The following DGKB variants were observed in gnomAD, a reference collection of about 807,000 sequenced individuals.
DGKB encodes the protein diacylglycerol kinase beta.
A neutral mutation model predicts 114.3 loss-of-function variants in DGKB; 67 were observed. That is an observed-to-expected ratio of 0.59 (90% CI 0.48 to 0.72). The LOEUF (loss-of-function observed/expected upper bound fraction) is 0.72, where lower values mean the gene tolerates loss of function less well. Ranked by LOEUF, DGKB falls within the 30% of genes least tolerant of loss-of-function variation. DGKB has a pLI of 0.00. For synonymous variants in DGKB, 398 were observed against 323.1 expected, an observed-to-expected ratio of 1.23 and a Z score of -2.49; for missense variants, 907 against 975.2, an observed-to-expected ratio of 0.93 and a Z score of 0.93.
At chr7:14,440,731 C>T (rs1346670940) in intron 21 of DGKB, among the ~76,000 whole-genome samples, 2 of 152,164 alleles carry the variant, frequency 1.3e-5, no homozygotes, top group Non-Finnish European at 2.9e-5. Context: ...TATCCTTATA[C>T]ATACCTACGA....
chr7:14,818,287 C>T (rs968029966), intron 2 of DGKB, among the ~76,000 whole-genome samples: 2 of 152,120 alleles, frequency 1.3e-5, no homozygotes, highest in African/African-American at 4.8e-5. Context: ...AATAAAATGG[C>T]TAAGTCAAGG....
At chr7:14,576,956 C>CT (rs1221557083) in intron 19 of DGKB, among the ~76,000 whole-genome samples, 1 of 152,166 alleles carries the variant, frequency 6.6e-6, no homozygotes. Context: ...AAACTCTGAA[C>CT]TGTAGTCCCC....
chr7:14,243,702 A>G (rs1359525303), intron 23 of DGKB, among the ~76,000 whole-genome samples: 1 of 152,158 alleles, frequency 6.6e-6, no homozygotes, highest in Non-Finnish European at 1.5e-5. Context: ...TCTCCTCTTA[A>G]TATTACCTCT....
chr7:14,612,305 G>C (rs1221435220), intron 16 of DGKB, among the ~76,000 whole-genome samples: 1 of 151,952 alleles, frequency 6.6e-6, no homozygotes, highest in Non-Finnish European at 1.5e-5. Flanking sequence ...AAGTAGCTGG[G>C]ATTACAGGTG....
intron 23 of DGKB, among the ~76,000 whole-genome samples, chr7:14,296,492 C>A (rs928872670): frequency 6.6e-6 from 1 of 152,028 alleles, no homozygotes; most frequent in South Asian, 2.1e-4. Flanking sequence ...TATAGTAGAA[C>A]GATTTATAAT....
chr7:14,222,220 T>C (rs1338884073), intron 23 of DGKB, among the ~76,000 whole-genome samples: 1 of 150,968 alleles, frequency 6.6e-6, no homozygotes, highest in Non-Finnish European at 1.5e-5. Flanking sequence ...TCTTTTTTTG[T>C]TTTGCAGTGT....
intron 20 of DGKB, among the ~76,000 whole-genome samples, chr7:14,522,593 A>G (rs1318859070): frequency 6.6e-6 from 1 of 152,176 alleles, no homozygotes; most frequent in Non-Finnish European, 1.5e-5. Flanking sequence ...TTGAACTACC[A>G]TATTGACACA....
chr7:14,346,970 C>A (rs990205571), intron 21 of DGKB, among the ~76,000 whole-genome samples: 2 of 151,976 alleles, frequency 1.3e-5, no homozygotes, highest in Non-Finnish European at 2.9e-5. Context: ...TTTCTCCAGA[C>A]CTTCCAGGAT....
chr7:14,484,697 A>T (rs770485406), intron 20 of DGKB, among the ~76,000 whole-genome samples: 4 of 152,174 alleles, frequency 2.6e-5, no homozygotes, highest in Non-Finnish European at 5.9e-5. Flanking sequence ...TCTTTACAGC[A>T]AGCAAGAATG....
intron 13 of DGKB, among the ~76,000 whole-genome samples, chr7:14,664,918 G>A (rs999192411): frequency 1.3e-5 from 2 of 151,868 alleles, no homozygotes; most frequent in African/African-American, 4.8e-5. Flanking sequence ...AGGAAAGAAG[G>A]CAGGAAGAAA....
intron 17 of DGKB, among the ~76,000 whole-genome samples, chr7:14,598,090 A>G (rs1027046566): frequency 4.6e-5 from 7 of 152,196 alleles, no homozygotes; most frequent in Admixed American, 4.6e-4. Flanking sequence ...TACTGATTTT[A>G]TGATAGCATT....
At chr7:14,312,259 A>G (rs1585066132) in intron 23 of DGKB, among the ~76,000 whole-genome samples, 7 of 152,232 alleles carry the variant, frequency 4.6e-5, no homozygotes, top group Non-Finnish European at 2.9e-5. Flanking sequence ...CTGGTCCATT[A>G]TATCAGCAGT....
intron 23 of DGKB, among the ~76,000 whole-genome samples, chr7:14,309,211 GT>G (rs1804969774): frequency 6.6e-6 from 1 of 151,980 alleles, no homozygotes; most frequent in Non-Finnish European, 1.5e-5. Context: ...GTGAGACCCT[GT>G]CTCAAAAGAA....
At chr7:14,299,678 G>A (rs1803171230) in intron 23 of DGKB, among the ~76,000 whole-genome samples, 1 of 152,016 alleles carries the variant, frequency 6.6e-6, no homozygotes, top group African/African-American at 2.4e-5. Flanking sequence ...TGAATGAAAA[G>A]GAAAGGGTAT....
chr7:14,308,099 T>G (rs1804779523), intron 23 of DGKB, among the ~76,000 whole-genome samples: 2 of 152,248 alleles, frequency 1.3e-5, no homozygotes, highest in Admixed American at 6.5e-5. Context: ...ATAATTGCTT[T>G]TCTTTTTATG....
chr7:14,843,747 G>A (rs1848271409), intron 1 of DGKB, among the ~76,000 whole-genome samples: 1 of 152,202 alleles, frequency 6.6e-6, no homozygotes, highest in African/African-American at 2.4e-5. Context: ...TCAAATATTT[G>A]TTGAGCCTTG....
intron 21 of DGKB, among the ~76,000 whole-genome samples, chr7:14,431,702 C>A (rs550171281): frequency 1.2e-4 from 18 of 152,142 alleles, no homozygotes; most frequent in African/African-American, 4.3e-4. Context: ...AATATTTTAA[C>A]TAGTTTTGCA....
intron 23 of DGKB, among the ~76,000 whole-genome samples, chr7:14,329,887 C>T (rs144836924): frequency 4.6e-5 from 7 of 152,096 alleles, no homozygotes; most frequent in African/African-American, 1.7e-4. Context: ...ATGTCTACCA[C>T]TGGGTACGTT....
chr7:14,969,208 A>C (rs991824558), intron 1 of DGKB, among the ~76,000 whole-genome samples: 11 of 152,300 alleles, frequency 7.2e-5, no homozygotes, highest in African/African-American at 2.6e-4. Flanking sequence ...TATCAACTTC[A>C]TACTTTCAGA....
Sources: allele counts gnomAD v4.1 joint callset (sites outside exome capture counted in the v4.1 genomes callset), GRCh38; gene constraint gnomAD v4.1.1; transcripts MANE v1.5; gene names NCBI Gene and HGNC (gene_info 2026-07-23, HGNC 2026-07-21).